Variants in GLI3 observed in about 807,000 individuals in gnomAD.
GLI3 encodes the protein GLI family zinc finger 3, also known as transcription activator GLI3.
Under a neutral mutation model 100.8 loss-of-function variants are expected in GLI3, and 20 were observed. That is an observed-to-expected ratio of 0.20 (90% CI 0.14 to 0.29). GLI3 has a LOEUF of 0.29. GLI3 is among the 10% of genes least tolerant of loss of function. GLI3 has a pLI of 1.00. For missense variants in GLI3, 2,040 were observed against 2,128.5 expected (o/e 0.96, Z 0.82); for synonymous variants, 938 against 860.5 (o/e 1.09, Z -1.58).
chr7:42,139,153 C>T (rs1786500343), intron 3 of GLI3, among the ~76,000 whole-genome samples: 1 of 151,966 alleles, frequency 6.6e-6, no homozygotes, highest in African/African-American at 2.4e-5. Context: ...GGGAGTTTTC[C>T]AATAAAATAA....
intron 2 of GLI3, among the ~76,000 whole-genome samples, chr7:42,156,465 G>A (rs1002843977): frequency 2.0e-5 from 3 of 152,102 alleles, no homozygotes; most frequent in Admixed American, 1.3e-4. Context: ...TTAGGTATTC[G>A]AGATTTCTTT....
In GLI3 at chr7:41,982,625, C is replaced by A. The variant is rs12701944; in HGVS notation, c.1498-3877G>T. 8.0e-3 allele frequency among the ~76,000 whole-genome samples: 1,214 copies of A among 151,300 alleles called. 11 individuals are homozygous for A. The highest frequency in any genetic ancestry group is 0.026 in the Admixed American group (391 of 15,178). On this transcript the variant is annotated intron_variant, in intron 10 of 14. Coordinates refer to ENST00000395925, the MANE Select transcript of GLI3 (RefSeq NM_000168.6). ...GCTGAGGCAGGAGGGTCACTTGAGC[C>A]CAGGAGGTCAAGGCAGTAGTGAGCC...
At chr7:42,119,725 A>C (rs1785949074) in intron 3 of GLI3, among the ~76,000 whole-genome samples, 1 of 152,216 alleles carries the variant, frequency 6.6e-6, no homozygotes, top group South Asian at 2.1e-4. Context: ...ATCAGCAGAA[A>C]TCTACTAAAT....
chr7:42,066,058 A>C (rs1019730515), intron 4 of GLI3, among the ~76,000 whole-genome samples: 1 of 152,196 alleles, frequency 6.6e-6, no homozygotes, highest in African/African-American at 2.4e-5. Flanking sequence ...GACTGGAAGA[A>C]TTAGGAGACT....
rs529805028 is a variant in GLI3 at position 42,233,072 on chromosome 7, T to C, written c.-43+3899A>G. 4.6e-5 allele frequency among the ~76,000 whole-genome samples: 7 copies of C among 152,330 alleles called. No individual in the cohort carries two copies. The East Asian group carries it at 1.3e-3, about 29-fold the overall frequency. ...ACACCATGTAAAGTTTGCGATCAAA[T>C]GTACTTCCAAACACATTTAACATTC... On this transcript the variant is annotated intron_variant, in intron 1 of 14. Coordinates refer to ENST00000395925, the MANE Select transcript of GLI3 (RefSeq NM_000168.6).
chr7:42,101,584 C>A (rs528381225), intron 3 of GLI3, among the ~76,000 whole-genome samples: 1 of 151,550 alleles, frequency 6.6e-6, no homozygotes, highest in African/African-American at 2.4e-5. Flanking sequence ...CCAGCTTGGG[C>A]GACAAAGCAA....
At chr7:42,101,769 C>T (rs935915854) in intron 3 of GLI3, among the ~76,000 whole-genome samples, 1 of 149,714 alleles carries the variant, frequency 6.7e-6, no homozygotes, top group Non-Finnish European at 1.5e-5. Flanking sequence ...ATGTACCATG[C>T]TGGTGTGCTG....
intron 2 of GLI3, among the ~76,000 whole-genome samples, chr7:42,161,151 T>C (rs1177433342): frequency 6.6e-6 from 1 of 152,248 alleles, no homozygotes; most frequent in Non-Finnish European, 1.5e-5. Flanking sequence ...TGACAACCTG[T>C]ATCCTCTGAC....
At chr7:42,260,029 G>A (rs1236609439) in intron 1 of GLI3, among the ~76,000 whole-genome samples, 1 of 152,152 alleles carries the variant, frequency 6.6e-6, no homozygotes, top group African/African-American at 2.4e-5. Context: ...AATTTACCAT[G>A]AGAAAATGCT....
rs570792085 is a variant in GLI3, at chr7:41,967,107, G to T, written c.2432-466C>A. Among the ~76,000 whole-genome samples the T allele has an allele frequency of 4.6e-5, 7 of 152,342 alleles. No individual in the cohort carries two copies. The East Asian group carries it at 1.4e-3, about 29-fold the overall frequency. Reference sequence around the variant, plus strand: ...CTGTTCATGCCACATCCTACCAACAGGTAACACCTGTGTTGGTGCAGGCAA... The same window carrying T: ...CTGTTCATGCCACATCCTACCAACATGTAACACCTGTGTTGGTGCAGGCAA... On this transcript the variant is annotated intron_variant, in intron 14 of 14. Transcript: ENST00000395925.
chr7:42,233,006 T>G (rs1449240344), intron 1 of GLI3, among the ~76,000 whole-genome samples: 1 of 152,254 alleles, frequency 6.6e-6, no homozygotes, highest in African/African-American at 2.4e-5. Flanking sequence ...TCTCTCATTT[T>G]CAGGGGCCAG....
At chr7:42,168,810 C>T (rs745350353) in intron 2 of GLI3, among the ~76,000 whole-genome samples, 4 of 151,902 alleles carry the variant, frequency 2.6e-5, no homozygotes, top group Admixed American at 2.0e-4. Context: ...CCCAGCTACT[C>T]GGGAGGCTAA....
intron 3 of GLI3, among the ~76,000 whole-genome samples, chr7:42,117,934 T>C (rs1562739685): frequency 1.3e-5 from 2 of 152,184 alleles, no homozygotes; most frequent in African/African-American, 4.8e-5. Flanking sequence ...GACGGCACCA[T>C]AGTTAATTAA....
At chr7:42,002,171 A>C (rs1018987264) in intron 10 of GLI3, among the ~76,000 whole-genome samples, 1 of 152,170 alleles carries the variant, frequency 6.6e-6, no homozygotes, top group Non-Finnish European at 1.5e-5. Context: ...ACCCACTTTA[A>C]GGCAAAGTTT....
chr7:42,005,458 T>TACAC (rs3030321), intron 10 of GLI3, among the ~76,000 whole-genome samples: 24,024 of 143,398 alleles, frequency 0.17, 1,955 homozygotes, highest in Non-Finnish European at 0.19. Context: ...TGAATTCACA[T>TACAC]ACACACACAC....
intron 1 of GLI3, among the ~76,000 whole-genome samples, chr7:42,249,921 C>T (rs539685299): frequency 6.6e-6 from 1 of 151,998 alleles, no homozygotes; most frequent in Non-Finnish European, 1.5e-5. Flanking sequence ...ATGATGAAAC[C>T]CCAACTCTAC....
chr7:41,992,214 A>G (rs922426656), intron 10 of GLI3, among the ~76,000 whole-genome samples: 1 of 152,230 alleles, frequency 6.6e-6, no homozygotes, highest in Non-Finnish European at 1.5e-5. Context: ...AGCCAGGAGG[A>G]TGAATAGTAA....
At position 41,962,491 on chromosome 7, in the gene GLI3, C is replaced by T. The variant is rs918186796; in HGVS notation, c.*1839G>A. The T allele has an allele frequency of 1.3e-5, 2 of 152,178 alleles. No homozygotes were observed. The highest frequency in any genetic ancestry group is 2.4e-5 in the African/African-American group (1 of 41,436). The allele number at this position is 152,178 out of a possible 1,614,324, so 9.4% of individuals were successfully genotyped here. A position where few individuals can be genotyped will look rare whatever the true frequency, so the allele number is the denominator to read the frequency against. On this transcript the variant is annotated 3_prime_UTR_variant, in exon 15 of 15. Coordinates refer to ENST00000395925, the MANE Select transcript of GLI3 (RefSeq NM_000168.6). ...GGGGCTGTTCCAAAGGAGACACATCCGTTAATTTCAAAGAAGACTTACATG... is the reference window on the plus strand; with the variant it reads ...GGGGCTGTTCCAAAGGAGACACATCTGTTAATTTCAAAGAAGACTTACATG...
At chr7:42,177,166 T>C (rs1787497053) in intron 2 of GLI3, among the ~76,000 whole-genome samples, 1 of 151,720 alleles carries the variant, frequency 6.6e-6, no homozygotes, top group African/African-American at 2.4e-5. Flanking sequence ...CTAGTAGGGG[T>C]GGGTGAGAGT....
Sources: gnomAD v4.1 joint callset for allele counts (sites outside exome capture counted in the v4.1 genomes callset) on GRCh38, gnomAD v4.1.1 for gene constraint, MANE v1.5 for transcripts, NCBI Gene and HGNC (gene_info 2026-07-23, HGNC 2026-07-21) for gene names.